The following DSG2 variants were observed in gnomAD, a reference collection of about 807,000 sequenced individuals.
DSG2 encodes desmoglein 2.
DSG2 carries 45 observed loss-of-function variants against 75.6 expected under a neutral mutation model. The observed-to-expected ratio is 0.60, with a 90% CI of 0.47 to 0.76. DSG2 has a LOEUF of 0.76. DSG2 is among the 30% of genes least tolerant of loss of function. The pLI, the probability that DSG2 is intolerant of heterozygous loss-of-function variation, is 0.00. For missense variants in DSG2, 1,267 were observed against 1,357.4 expected, an observed-to-expected ratio of 0.93 and a Z score of 1.05; for synonymous variants, 429 against 483.9, an observed-to-expected ratio of 0.89 and a Z score of 1.49.
At chr18:31,532,690 T>C (rs2073205455) in intron 9 of DSG2, among the ~76,000 whole-genome samples, 1 of 152,198 alleles carries the variant, frequency 6.6e-6, no homozygotes, top group Non-Finnish European at 1.5e-5. Context: ...TTGAGTTATG[T>C]GGTCTAGTTG....
Position 31,542,799 on chromosome 18 carries a change from C to T in DSG2, c.2281C>T (p.Gln761Ter). Reference protein sequence around the residue: ...TGASRDMAGAQAAAVALNEEF... With the variant: ...TGASRDMAGA ...GGCTTCCAGAGACATGGCCGGAGCTCAGGCAGCTGCTGTTGCACTGAACGA... is the reference window on the plus strand; with the variant it reads ...GGCTTCCAGAGACATGGCCGGAGCTTAGGCAGCTGCTGTTGCACTGAACGA... The change falls in exon 14 of 15, where the codon CAG becomes TAG. Residue 761 changes from glutamine to a stop codon, truncating the protein, a stop_gained. Coordinates refer to ENST00000261590, the MANE Select transcript of DSG2 (RefSeq NM_001943.5). LOFTEE classifies it high-confidence loss of function. 6.3e-7 allele frequency: 1 copy of T among 1,597,456 alleles called. No homozygotes were observed. Among genetic ancestry groups the T allele is most frequent in the South Asian group, 1.1e-5 (1 of 89,860 alleles).
intron 6 of DSG2, among the ~76,000 whole-genome samples, chr18:31,523,308 G>A (rs980264190): frequency 2.0e-5 from 3 of 152,160 alleles, no homozygotes; most frequent in African/African-American, 7.2e-5. Flanking sequence ...GGCTGAGGCA[G>A]GAGAATGGTG....
chr18:31,510,868 GA>G (rs1314319798), intron 1 of DSG2, among the ~76,000 whole-genome samples: 1 of 152,100 alleles, frequency 6.6e-6, no homozygotes, highest in Non-Finnish European at 1.5e-5. Flanking sequence ...TTCCTGGTGA[GA>G]AAAAAAGTCA....
intron 1 of DSG2, among the ~76,000 whole-genome samples, chr18:31,508,818 C>G (rs1026627856): frequency 2.6e-5 from 4 of 152,170 alleles, no homozygotes; most frequent in Non-Finnish European, 5.9e-5. Context: ...TCCTATGCTA[C>G]CATGTGATTT....
In DSG2 at chr18:31,541,194, G is replaced by A. The variant is rs754778907; in HGVS notation, c.1881G>A (p.Leu627=). ...LMILAFLLLL[L]VPLLLLMCHC... ...GTGTTCAATTTTGTGTCTGTACAGT[G>A]GTACCACTTTTACTGCTGATGTGCC... The change falls in exon 13 of 15, where the codon TTG becomes TTA. Residue 627 remains leucine (L), a splice_region_variant and synonymous_variant. Transcript: ENST00000261590. The A allele has an allele frequency of 1.2e-6, 2 of 1,614,132 alleles. No homozygotes were observed. Among genetic ancestry groups the A allele is most frequent in the Non-Finnish European group, 1.7e-6 (2 of 1,179,988 alleles).
intron 1 of DSG2, among the ~76,000 whole-genome samples, chr18:31,511,820 C>T (rs533134100): frequency 1.4e-4 from 22 of 152,206 alleles, no homozygotes; most frequent in Admixed American, 3.9e-4. Flanking sequence ...TCACCAGTAA[C>T]GAGGTGAAGA....
intron 1 of DSG2, among the ~76,000 whole-genome samples, chr18:31,514,425 T>A (rs898735245): frequency 5.9e-5 from 9 of 152,214 alleles, no homozygotes; most frequent in Admixed American, 6.5e-5. Flanking sequence ...ATTTTAATGT[T>A]AAAAATACAT....
Position 31,542,551 on chromosome 18 carries a change from G to C in DSG2, c.2033G>C (p.Gly678Ala), listed in dbSNP as rs372494397. Reference sequence around the variant, plus strand: ...CCATCATTTCTGCCAGTGGATCAAGGGGGCAGTCTAGTAGGAAGAAATGGA... The same window carrying C: ...CCATCATTTCTGCCAGTGGATCAAGCGGGCAGTCTAGTAGGAAGAAATGGA... ...VVPSFLPVDQ[G>A]GSLVGRNGVG... The change falls in exon 14 of 15, where the codon GGG becomes GCG. Residue 678 changes from glycine to alanine, a missense_variant. Transcript: ENST00000261590. 5.1e-5 allele frequency: 83 copies of C among 1,614,068 alleles called. No individual in the cohort carries two copies. Among genetic ancestry groups the C allele is most frequent in the Middle Eastern group, 1.7e-4 (1 of 6,036 alleles).
chr18:31,545,178 T>A (rs112497604), intron 14 of DSG2, among the ~76,000 whole-genome samples: 1 of 152,332 alleles, frequency 6.6e-6, no homozygotes, highest in African/African-American at 2.4e-5. Flanking sequence ...TGTATGTGTG[T>A]ACTAACTTTT....
rs1466646091 is a variant in DSG2 at position 31,538,442 on chromosome 18, A to C, written c.1652-309A>C. 4.6e-5 allele frequency among the ~76,000 whole-genome samples: 7 copies of C among 152,300 alleles called. No homozygotes were observed. The South Asian group carries it at 1.5e-3, about 32-fold the overall frequency. On this transcript the variant is annotated intron_variant, in intron 11 of 14. Coordinates refer to ENST00000261590, the MANE Select transcript of DSG2 (RefSeq NM_001943.5). ...ATAAAGGTCATTCAGTAGAAATGTT[A>C]ACTCACCACTTGTTTGTCACTGTAT... is the stretch of plus-strand genomic sequence containing the variant.
At position 31,502,149 on chromosome 18, in the gene DSG2, T is replaced by G. The variant is rs144346749; in HGVS notation, c.45+3853T>G. Among the ~76,000 whole-genome samples the G allele has an allele frequency of 4.2e-3, 646 of 152,286 alleles. 5 individuals are homozygous for G. Among genetic ancestry groups the G allele is most frequent in the African/African-American group, 0.015 (611 of 41,568 alleles). On this transcript the variant is annotated intron_variant, in intron 1 of 14. Coordinates refer to ENST00000261590, the MANE Select transcript of DSG2 (RefSeq NM_001943.5). ...AAGGCAAGTACTTTACAAAGAGATA[T>G]GAGCATTCATTGGCCTACGTACTCT...
chr18:31,531,910 C>T (rs949582819), intron 9 of DSG2, among the ~76,000 whole-genome samples: 19 of 152,196 alleles, frequency 1.2e-4, no homozygotes, highest in African/African-American at 4.6e-4. Flanking sequence ...CATCTTAGAT[C>T]TCAGTGCCGT....
At chr18:31,543,903 G>C (rs2073287186) in intron 14 of DSG2, among the ~76,000 whole-genome samples, 2 of 147,914 alleles carry the variant, frequency 1.4e-5, no homozygotes, top group African/African-American at 2.5e-5. Context: ...TAGAGATAAA[G>C]TATACTTCAG....
chr18:31,514,070 G>A (rs570282094), intron 1 of DSG2, among the ~76,000 whole-genome samples: 11 of 152,196 alleles, frequency 7.2e-5, no homozygotes, highest in Non-Finnish European at 1.5e-4. Flanking sequence ...ATGTGGAATC[G>A]TAGATTGGAT....
At position 31,531,122 on chromosome 18, in the gene DSG2, G is replaced by T. The variant is rs2073195560; in HGVS notation, c.1150G>T (p.Glu384Ter). 3 of 1,613,996 alleles carry T rather than the reference G, an allele frequency of 1.9e-6. No homozygotes were observed. Among genetic ancestry groups the T allele is most frequent in the South Asian group, 2.2e-5 (2 of 91,078 alleles). ...PIKVKVKNVK[E>*]GIHFKSSVIS... ...CAAGGTCAAAGTGAAAAATGTGAAA[G>T]AAGGCATTCATTTTAAAAGCAGCGT... The change falls in exon 9 of 15, where the codon GAA (glutamate) becomes TAA (stop). Residue 384 changes from glutamate (E) to a stop codon, truncating the protein, a stop_gained. Transcript: ENST00000261590. LOFTEE classifies it high-confidence loss of function.
At chr18:31,532,993 C>G (rs2073207541) in intron 9 of DSG2, among the ~76,000 whole-genome samples, 1 of 151,968 alleles carries the variant, frequency 6.6e-6, no homozygotes, top group African/African-American at 2.4e-5. Flanking sequence ...AATAATGAAC[C>G]CTGCCTTTTT....
At chr18:31,518,087 G>GA (rs2073103892) in intron 1 of DSG2, 152 bp from the exon 2 acceptor site, 2 of 642,250 alleles carry the variant, frequency 3.1e-6, no homozygotes, top group East Asian at 5.6e-5. Context: ...AAGGCAATGG[G>GA]AAAAATTAGT....
In DSG2 at chr18:31,545,829, A is replaced by T. The variant is rs1227447609; in HGVS notation, c.2443A>T (p.Ser815Cys). 1 of 1,614,182 alleles carries T rather than the reference A, an allele frequency of 6.2e-7. No homozygotes were observed. Residue 815 changes from serine (S) to cysteine (C), a missense_variant, in exon 15 of 15, where the codon AGT becomes TGT. Ser to Cys is a moderately radical substitution (Grantham distance 112). Transcript: ENST00000261590. The part of the protein sequence containing the change: ...ESLNASIGCC[S>C]FIEGELDDRF... ...GCTGAATGCTTCTATTGGTTGTTGC[A>T]GTTTTATTGAAGGAGAGCTAGATGA...
intron 1 of DSG2, among the ~76,000 whole-genome samples, chr18:31,517,696 C>A (rs539220686): frequency 3.9e-5 from 6 of 151,960 alleles, no homozygotes; most frequent in African/African-American, 1.4e-4. Context: ...TGATGAAGTC[C>A]CAAGTGTGAC....
Sources: gnomAD v4.1 joint callset for allele counts (sites outside exome capture counted in the v4.1 genomes callset) on GRCh38, gnomAD v4.1.1 for gene constraint, MANE v1.5 for transcripts, NCBI Gene and HGNC (gene_info 2026-07-23, HGNC 2026-07-21) for gene names.